Variants in POU6F2 observed in about 807,000 individuals in gnomAD.
POU6F2 encodes POU domain, class 6, transcription factor 2.
A neutral mutation model predicts 71.3 loss-of-function variants in POU6F2; 31 were observed. The observed-to-expected ratio is 0.43, with a 90% confidence interval of 0.33 to 0.59. POU6F2 has a LOEUF of 0.59. POU6F2 is among the 20% of genes least tolerant of loss of function. The pLI is 0.04. For missense variants in POU6F2, 783 were observed against 856.8 expected (o/e 0.91, Z 1.07); for synonymous variants, 347 against 355.7 (o/e 0.98, Z 0.27).
At chr7:39,204,847 T>A (rs927007123) in intron 3 of POU6F2, among the ~76,000 whole-genome samples, 1 of 152,056 alleles carries the variant, frequency 6.6e-6, no homozygotes, top group Non-Finnish European at 1.5e-5. Flanking sequence ...ATTTGTTTTT[T>A]GCAGCCTGGT....
chr7:39,010,214 C>T (rs1470047239), intron 1 of POU6F2, among the ~76,000 whole-genome samples: 1 of 135,796 alleles, frequency 7.4e-6, no homozygotes, highest in Non-Finnish European at 1.7e-5. Context: ...TGTTATTGGT[C>T]TATTCAGAGA....
At chr7:39,106,647 A>G (rs1170493430) in intron 2 of POU6F2, among the ~76,000 whole-genome samples, 1 of 152,234 alleles carries the variant, frequency 6.6e-6, no homozygotes, top group African/African-American at 2.4e-5. Context: ...AAAATTGAAC[A>G]TTTTTGTAGA....
At chr7:39,141,102 C>T (rs1465754150) in intron 2 of POU6F2, among the ~76,000 whole-genome samples, 1 of 152,144 alleles carries the variant, frequency 6.6e-6, no homozygotes, top group African/African-American at 2.4e-5. Flanking sequence ...GCCTCTAAAC[C>T]TCAATGTCAA....
chr7:38,989,637 G>A (rs1253176919), intron 1 of POU6F2, among the ~76,000 whole-genome samples: 1 of 152,022 alleles, frequency 6.6e-6, no homozygotes, highest in Non-Finnish European at 1.5e-5. Context: ...GGAAATATCT[G>A]TTAAAAGTAT....
chr7:39,211,682 G>C (rs2128746751), intron 4 of POU6F2, among the ~76,000 whole-genome samples: 1 of 152,258 alleles, frequency 6.6e-6, no homozygotes, highest in South Asian at 2.1e-4. Flanking sequence ...AGGATCCTAG[G>C]AACAGCCCTG....
intron 2 of POU6F2, among the ~76,000 whole-genome samples, chr7:39,170,370 T>G (rs1793195179): frequency 6.6e-6 from 1 of 152,180 alleles, no homozygotes; most frequent in Non-Finnish European, 1.5e-5. Context: ...AACTACATGC[T>G]GTATATTGGT....
chr7:39,186,726 A>G (rs1004838442), intron 2 of POU6F2, among the ~76,000 whole-genome samples: 3 of 152,098 alleles, frequency 2.0e-5, no homozygotes, highest in Non-Finnish European at 2.9e-5. Context: ...CTGAGCCCTG[A>G]GTAGTGCCTG....
At chr7:39,251,508 G>A (rs1157265977) in intron 4 of POU6F2, among the ~76,000 whole-genome samples, 1 of 152,180 alleles carries the variant, frequency 6.6e-6, no homozygotes, top group Non-Finnish European at 1.5e-5. Flanking sequence ...AAAATCTGTG[G>A]AGAAAATGCA....
At chr7:39,053,936 C>T (rs2128714400) in intron 1 of POU6F2, among the ~76,000 whole-genome samples, 1 of 151,996 alleles carries the variant, frequency 6.6e-6, no homozygotes, top group South Asian at 2.1e-4. Flanking sequence ...AACCCTGTCT[C>T]TACTAAAAAT....
chr7:39,390,489 A>G (rs372993658), intron 5 of POU6F2, among the ~76,000 whole-genome samples: 5 of 152,224 alleles, frequency 3.3e-5, no homozygotes, highest in Admixed American at 2.6e-4. Context: ...CATCTCCATG[A>G]TTCTTGTTAA....
At chr7:39,233,288 A>C in intron 4 of POU6F2, among the ~76,000 whole-genome samples, 1 of 145,738 alleles carries the variant, frequency 6.9e-6, no homozygotes, top group Non-Finnish European at 1.5e-5. Flanking sequence ...AAATAGTGGT[A>C]TTATCTGTTT....
chr7:39,144,403 ATTTC>A (rs1792572044), intron 2 of POU6F2, among the ~76,000 whole-genome samples: 1 of 152,196 alleles, frequency 6.6e-6, no homozygotes, highest in East Asian at 1.9e-4. Flanking sequence ...ATGCATTATA[ATTTC>A]TTTGGAGCTA....
intron 2 of POU6F2, among the ~76,000 whole-genome samples, chr7:39,185,855 G>GTATA (rs1562738065): frequency 1.4e-3 from 74 of 54,096 alleles, no homozygotes; most frequent in East Asian, 8.9e-3. Context: ...GTATATGTAT[G>GTATA]TGTATATATG....
chr7:39,256,893 GCCCATTAAAA>G (rs912521218), intron 4 of POU6F2, among the ~76,000 whole-genome samples: 2 of 152,120 alleles, frequency 1.3e-5, no homozygotes, highest in African/African-American at 4.8e-5. Context: ...CTTGATGTTA[GCCCATTAAAA>G]CCCATTAAAA....
intron 7 of POU6F2, among the ~76,000 whole-genome samples, chr7:39,445,709 A>G (rs11970896): frequency 6.6e-6 from 1 of 151,776 alleles, no homozygotes; most frequent in African/African-American, 2.4e-5. Context: ...GATGTCAACA[A>G]TAAATCTCTC....
intron 7 of POU6F2, among the ~76,000 whole-genome samples, chr7:39,438,295 C>CA (rs1788300804): frequency 6.6e-6 from 1 of 152,176 alleles, no homozygotes; most frequent in Non-Finnish European, 1.5e-5. Context: ...TTTGTGGCTG[C>CA]ATAGTATTCC....
intron 1 of POU6F2, among the ~76,000 whole-genome samples, chr7:39,074,597 A>T (rs1790958202): frequency 6.6e-6 from 1 of 152,206 alleles, no homozygotes; most frequent in Non-Finnish European, 1.5e-5. Context: ...AGAGTTTATT[A>T]TGTGCCCAGC....
intron 4 of POU6F2, among the ~76,000 whole-genome samples, chr7:39,325,290 T>C (rs1286667404): frequency 6.6e-6 from 1 of 152,198 alleles, no homozygotes; most frequent in Non-Finnish European, 1.5e-5. Context: ...CCTAGAATCA[T>C]GTCTTAGATT....
At chr7:39,246,195 G>A (rs1438956197) in intron 4 of POU6F2, among the ~76,000 whole-genome samples, 1 of 152,158 alleles carries the variant, frequency 6.6e-6, no homozygotes, top group Non-Finnish European at 1.5e-5. Context: ...ACTTCCACAA[G>A]CAAATATGTT....
Sources: gnomAD v4.1 joint callset for allele counts (sites outside exome capture counted in the v4.1 genomes callset) on GRCh38, gnomAD v4.1.1 for gene constraint, MANE v1.5 for transcripts, NCBI Gene and HGNC (gene_info 2026-07-23, HGNC 2026-07-21) for gene names.